Variants in DYM observed in about 807,000 individuals in gnomAD.
DYM encodes dymeclin, also known as dyggve-Melchior-Clausen syndrome protein.
Under a neutral mutation model 93.1 loss-of-function variants are expected in DYM, and 78 were observed. The ratio of observed to expected loss-of-function variants is 0.84; its 90% CI spans 0.70 to 1.01. The LOEUF (loss-of-function observed/expected upper bound fraction) is 1.01. Ranked by LOEUF, DYM falls within the 50% of genes least tolerant of loss-of-function variation. DYM has a pLI of 0.00. For synonymous variants in DYM, 321 were observed against 319.7 expected (o/e 1.00, Z -0.04); for missense variants, 789 against 845.0 (o/e 0.93, Z 0.82).
chr18:49,330,830 T>A (rs1284148516), intron 8 of DYM, among the ~76,000 whole-genome samples: 2 of 152,208 alleles, frequency 1.3e-5, no homozygotes, highest in African/African-American at 4.8e-5. Flanking sequence ...GTGGCACTCT[T>A]GGCAGGCTGC....
At chr18:49,097,592 A>T in intron 16 of DYM, 77 bp from the exon 17 acceptor site, 1 of 1,205,592 alleles carries the variant, frequency 8.3e-7, no homozygotes, top group Non-Finnish European at 1.2e-6. Flanking sequence ...CTCACATGGT[A>T]GTCAAACTAT....
intron 1 of DYM, among the ~76,000 whole-genome samples, chr18:49,434,873 C>G (rs535881510): frequency 6.6e-6 from 1 of 151,842 alleles, no homozygotes; most frequent in African/African-American, 2.4e-5. Flanking sequence ...AAAAGCACAA[C>G]CCATAAAAGA....
chr18:49,403,998 G>GTTT (rs113425880), intron 2 of DYM, among the ~76,000 whole-genome samples: 1 of 147,472 alleles, frequency 6.8e-6, no homozygotes, highest in South Asian at 2.1e-4. Context: ...TGTTTTTTCT[G>GTTT]TTTTTTTTTT....
intron 10 of DYM, among the ~76,000 whole-genome samples, chr18:49,281,659 T>C (rs1207028330): frequency 6.6e-6 from 1 of 152,150 alleles, no homozygotes; most frequent in Admixed American, 6.5e-5. Flanking sequence ...TGTAGGGACA[T>C]GGATGAAGCT....
chr18:49,283,222 G>A (rs2095035502), intron 9 of DYM, among the ~76,000 whole-genome samples: 1 of 152,076 alleles, frequency 6.6e-6, no homozygotes. Context: ...AATTTATATT[G>A]TTTTTGCACA....
At chr18:49,201,674 A>G (rs1429456984) in intron 14 of DYM, among the ~76,000 whole-genome samples, 3 of 152,214 alleles carry the variant, frequency 2.0e-5, no homozygotes, top group African/African-American at 7.2e-5. Flanking sequence ...ACATCCTATT[A>G]CTGCCTTAGC....
At chr18:49,308,147 G>T (rs2061378646) in intron 8 of DYM, among the ~76,000 whole-genome samples, 1 of 152,028 alleles carries the variant, frequency 6.6e-6, no homozygotes, top group Non-Finnish European at 1.5e-5. Flanking sequence ...AACTGAAAAA[G>T]AATGAGAAAG....
intron 8 of DYM, among the ~76,000 whole-genome samples, chr18:49,325,908 A>G (rs762328181): frequency 2.6e-5 from 4 of 152,190 alleles, no homozygotes; most frequent in Non-Finnish European, 5.9e-5. Context: ...TAAATCCACC[A>G]TAAGCTGCCT....
At chr18:49,385,799 TG>T (rs2068554137) in intron 3 of DYM, among the ~76,000 whole-genome samples, 1 of 151,902 alleles carries the variant, frequency 6.6e-6, no homozygotes. Flanking sequence ...GCCAGTGCTT[TG>T]GGAGGCTGAG....
At chr18:49,172,256 C>T (rs1178790586) in intron 14 of DYM, among the ~76,000 whole-genome samples, 9 of 152,104 alleles carry the variant, frequency 5.9e-5, no homozygotes, top group South Asian at 4.1e-4. Flanking sequence ...AGACGTGCCT[C>T]GATTTCTTTA....
chr18:49,300,322 G>A lies in DYM; in HGVS notation c.764-13706C>T, dbSNP rs142120401. 1.3e-3 allele frequency among the ~76,000 whole-genome samples: 190 copies of A among 151,802 alleles called. 2 individuals carry two copies. The highest frequency in any genetic ancestry group is 2.1e-3 in the Non-Finnish European group (140 of 67,936). On this transcript the variant is annotated intron_variant, in intron 8 of 17. Coordinates refer to ENST00000675505, the MANE Select transcript of DYM (RefSeq NM_001353214.3). ...AATAAAAGTTTTTACATAGTAGGCC[G>A]GGTGCCATGGCTCACTCCTGTAATC...
intron 13 of DYM, among the ~76,000 whole-genome samples, chr18:49,222,482 T>C (rs893037298): frequency 3.3e-5 from 5 of 152,120 alleles, no homozygotes; most frequent in African/African-American, 1.2e-4. Context: ...GCAAGGAAAC[T>C]GTCAAAGATA....
intron 6 of DYM, among the ~76,000 whole-genome samples, chr18:49,347,020 A>G (rs981966007): frequency 2.0e-5 from 3 of 152,222 alleles, no homozygotes; most frequent in African/African-American, 7.2e-5. Flanking sequence ...ACTTTATAAT[A>G]AAGTGTTGAA....
chr18:49,372,345 T>C (rs1045345719), intron 5 of DYM, among the ~76,000 whole-genome samples: 2 of 152,130 alleles, frequency 1.3e-5, no homozygotes, highest in African/African-American at 4.8e-5. Context: ...AAGACTAAGG[T>C]AAAAATAATT....
At chr18:49,132,856 G>C (rs1044707584) in intron 15 of DYM, among the ~76,000 whole-genome samples, 1 of 152,090 alleles carries the variant, frequency 6.6e-6, no homozygotes, top group Non-Finnish European at 1.5e-5. Flanking sequence ...TTTTGAAAAG[G>C]AATTAGGGAA....
chr18:49,415,335 A>T (rs1385441016), intron 2 of DYM, among the ~76,000 whole-genome samples: 2 of 150,086 alleles, frequency 1.3e-5, no homozygotes, highest in Non-Finnish European at 3.0e-5. Flanking sequence ...AAAAAAAAAA[A>T]AAAAAAATTA....
intron 15 of DYM, among the ~76,000 whole-genome samples, chr18:49,155,408 T>C (rs535149821): frequency 1.3e-5 from 2 of 152,324 alleles, no homozygotes; most frequent in South Asian, 2.1e-4. Flanking sequence ...ATATACCATA[T>C]ACTTCACCAA....
At chr18:49,419,978 T>G (rs1046275063) in intron 2 of DYM, among the ~76,000 whole-genome samples, 1 of 152,212 alleles carries the variant, frequency 6.6e-6, no homozygotes, top group Non-Finnish European at 1.5e-5. Flanking sequence ...GTGATAATTC[T>G]GCAAGGATTA....
chr18:49,338,663 A>G (rs2063848073), intron 6 of DYM, among the ~76,000 whole-genome samples: 1 of 152,248 alleles, frequency 6.6e-6, no homozygotes, highest in South Asian at 2.1e-4. Context: ...ATCAATGAAG[A>G]AAAACACATT....
Sources: allele counts gnomAD v4.1 joint callset (sites outside exome capture counted in the v4.1 genomes callset), GRCh38; gene constraint gnomAD v4.1.1; transcripts MANE v1.5; gene names NCBI Gene and HGNC (gene_info 2026-07-23, HGNC 2026-07-21).